The following CUL3 variants were observed in gnomAD, a reference collection of about 807,000 sequenced individuals.
The protein encoded by CUL3 is cullin-3.
In CUL3, 19 loss-of-function variants were observed where a neutral mutation model predicts 89.1. The ratio of observed to expected loss-of-function variants is 0.21; its 90% CI spans 0.15 to 0.31. The LOEUF is 0.31. CUL3 is among the 10% of genes least tolerant of loss of function. CUL3 has a pLI of 1.00. For synonymous variants in CUL3, 351 were observed against 308.4 expected (o/e 1.14, Z -1.45); for missense variants, 469 against 942.3 (o/e 0.50, Z 6.58).
chr2:224,541,634 C>T (rs1228146886), intron 2 of CUL3, among the ~76,000 whole-genome samples: 1 of 152,188 alleles, frequency 6.6e-6, no homozygotes, highest in Admixed American at 6.5e-5. Context: ...AGCAGCTCTA[C>T]TCACAACCAC....
rs901524666 is a variant in CUL3, at chr2:224,541,239, G to A, written c.265-5598C>T. On this transcript the variant is annotated intron_variant, in intron 2 of 15. Coordinates refer to ENST00000264414, the MANE Select transcript of CUL3 (RefSeq NM_003590.5). ...CATATTAAAAAAAAAAAAACTCTTA[G>A]AACTTAGCAATGACAGCAAATAATT... Among the ~76,000 whole-genome samples the A allele has an allele frequency of 2.7e-5, 4 of 149,170 alleles. No homozygotes were observed. In the East Asian group the frequency reaches 7.9e-4, roughly 29 times the overall value.
chr2:224,500,499 AG>A lies in CUL3; in HGVS notation c.1486-13del, dbSNP rs772966172. On this transcript the variant is annotated splice_polypyrimidine_tract_variant and intron_variant, in intron 10 of 15. Coordinates refer to ENST00000264414, the MANE Select transcript of CUL3 (RefSeq NM_003590.5). ...CCACCTAAAGATACCTATGTAAAAC[AG>A]AAAGAGATATTCCCCTCAAAATTAA... 2.5e-6 allele frequency: 4 copies of A among 1,612,930 alleles called. No homozygotes were observed. Among genetic ancestry groups the A allele is most frequent in the Non-Finnish European group, 3.4e-6 (4 of 1,179,132 alleles).
chr2:224,494,920 CA>C (rs1288785504), intron 13 of CUL3: 1 of 151,824 alleles, frequency 6.6e-6, no homozygotes, highest in Non-Finnish European at 1.5e-5. Context: ...CTCTGCTCTT[CA>C]AAAGACACCA....
At chr2:224,558,332 C>T (rs918137216) in intron 1 of CUL3, among the ~76,000 whole-genome samples, 3 of 152,172 alleles carry the variant, frequency 2.0e-5, no homozygotes, top group African/African-American at 7.2e-5. Context: ...AGCCTTCATG[C>T]AACCCCACAA....
intron 13 of CUL3, among the ~76,000 whole-genome samples, chr2:224,491,502 T>C (rs1323403056): frequency 6.6e-6 from 1 of 152,222 alleles, no homozygotes; most frequent in Admixed American, 6.5e-5. Flanking sequence ...ACAATCATAT[T>C]ATCTACAGAT....
At chr2:224,491,805 C>T (rs1487699659) in intron 13 of CUL3, among the ~76,000 whole-genome samples, 2 of 152,160 alleles carry the variant, frequency 1.3e-5, no homozygotes, top group Non-Finnish European at 2.9e-5. Context: ...ACTTTTTGTT[C>T]ATCTATAGAG....
At chr2:224,518,948 G>A in intron 3 of CUL3, among the ~76,000 whole-genome samples, 1 of 152,188 alleles carries the variant, frequency 6.6e-6, no homozygotes, top group East Asian at 1.9e-4. Context: ...TGGCAAAAAG[G>A]CAGAAAGACA....
chr2:224,473,109 A>C lies in CUL3; in HGVS notation c.*1136T>G, dbSNP rs773711465. 5.9e-5 allele frequency: 12 copies of C among 204,206 alleles called. No individual in the cohort carries two copies. Among genetic ancestry groups the C allele is most frequent in the Non-Finnish European group, 1.2e-4 (12 of 99,330 alleles). 12.6% of individuals were successfully genotyped at this position (204,206 alleles called of 1,614,324 possible). On this transcript the variant is annotated 3_prime_UTR_variant, in exon 16 of 16. Coordinates refer to ENST00000264414, the MANE Select transcript of CUL3 (RefSeq NM_003590.5). ...GATGACTCTTTGGAGGACAATAGCT[A>C]AATATCCAAGAATCATCAGGTTTGA...
At position 224,513,596 on chromosome 2, in the gene CUL3, A is replaced by G. The variant is rs150386914; in HGVS notation, c.582T>C (p.Gly194=). 522 of 1,603,168 alleles carry G rather than the reference A, an allele frequency of 3.3e-4. No homozygotes were observed. Among genetic ancestry groups the G allele is most frequent in the Non-Finnish European group, 4.4e-4 (517 of 1,177,394 alleles). ...CTTCATAGACTGATCTTCCTTCGAGACCTAAAATCATTAACATCTGGCAAG... is the reference window on the plus strand; with the variant it reads ...CTTCATAGACTGATCTTCCTTCGAGGCCTAAAATCATTAACATCTGGCAAG... The part of the protein sequence containing the change: ...RNACQMLMIL[G]LEGRSVYEED... Residue 194 remains glycine (G), a synonymous_variant, in exon 5 of 16, where the codon GGT becomes GGC. Transcript: ENST00000264414.
intron 1 of CUL3, among the ~76,000 whole-genome samples, chr2:224,570,891 G>A (rs1194832238): frequency 6.6e-6 from 1 of 152,142 alleles, no homozygotes. Flanking sequence ...TTTTTTCAAA[G>A]ACACAAGGTC....
Position 224,474,060 on chromosome 2 carries a change from G to A in CUL3, c.*185C>T. On this transcript the variant is annotated 3_prime_UTR_variant, in exon 16 of 16. Coordinates refer to ENST00000264414, the MANE Select transcript of CUL3 (RefSeq NM_003590.5). Reference sequence around the variant, plus strand: ...TCTCTACAGGGATAAACGTTGTAAAGCCTGAAGCTCAATCAACTGATGTTG... The same window carrying A: ...TCTCTACAGGGATAAACGTTGTAAAACCTGAAGCTCAATCAACTGATGTTG... The A allele has an allele frequency of 2.0e-6, 1 of 511,392 alleles. No homozygotes were observed. The highest frequency in any genetic ancestry group is 3.4e-6 in the Non-Finnish European group (1 of 297,592). 31.7% of individuals were successfully genotyped at this position (511,392 alleles called of 1,614,324 possible).
At chr2:224,544,693 T>C (rs1426939228) in intron 2 of CUL3, among the ~76,000 whole-genome samples, 1 of 150,956 alleles carries the variant, frequency 6.6e-6, no homozygotes, top group Admixed American at 6.6e-5. Flanking sequence ...GATTTCAAAA[T>C]TTTTCCACCT....
chr2:224,581,560 T>C (rs1574712153), intron 1 of CUL3, among the ~76,000 whole-genome samples: 1 of 151,128 alleles, frequency 6.6e-6, no homozygotes, highest in South Asian at 2.1e-4. Flanking sequence ...TGGAGTGCAG[T>C]GGCACGATCT....
chr2:224,545,157 T>C (rs983519695), intron 2 of CUL3, among the ~76,000 whole-genome samples: 12 of 152,166 alleles, frequency 7.9e-5, no homozygotes, highest in African/African-American at 2.9e-4. Context: ...GCCAAGATAA[T>C]TAATTTTAAG....
chr2:224,473,868 C>CTACAAAACACATT lies in CUL3; in HGVS notation c.*364_*376dup, dbSNP rs1232553517. ...ACAATGCGCAAAGTGCTAAGCAACACTACAAAACACATTTACATCAACACT... is the reference window on the plus strand; with the variant it reads ...ACAATGCGCAAAGTGCTAAGCAACACTACAAAACACATTTACAAAACACATTTACATCAACACT... On this transcript the variant is annotated 3_prime_UTR_variant, in exon 16 of 16. Coordinates refer to ENST00000264414, the MANE Select transcript of CUL3 (RefSeq NM_003590.5). 4.6e-6 allele frequency: 1 copy of CTACAAAACACATT among 217,518 alleles called. No individual in the cohort carries two copies. Among genetic ancestry groups the CTACAAAACACATT allele is most frequent in the Non-Finnish European group, 9.3e-6 (1 of 107,974 alleles). 13.5% of individuals were successfully genotyped at this position (217,518 alleles called of 1,614,324 possible).
chr2:224,470,490 AAATTT>A lies in CUL3; in HGVS notation c.*3750_*3754del, dbSNP rs1691087920. On this transcript the variant is annotated 3_prime_UTR_variant, in exon 16 of 16. Transcript: ENST00000264414. ...GCCAATCTCTGTATCATTACCTGTT[AAATTT>A]ATCTGCCATTCTTAACGTCTCTTCT... 1 of 227,048 alleles carries A rather than the reference AAATTT, an allele frequency of 4.4e-6. No individual in the cohort carries two copies. The highest frequency in any genetic ancestry group is 1.9e-4 in the South Asian group (1 of 5,252). 14.1% of individuals were successfully genotyped at this position (227,048 alleles called of 1,614,324 possible).
At chr2:224,501,885 C>A (rs758524375) in intron 10 of CUL3, among the ~76,000 whole-genome samples, 1 of 152,076 alleles carries the variant, frequency 6.6e-6, no homozygotes, top group Non-Finnish European at 1.5e-5. Flanking sequence ...TAAAAACTTA[C>A]TAGAGCAAAC....
At position 224,509,102 on chromosome 2, in the gene CUL3, G is replaced by C. The variant is rs985381503; in HGVS notation, c.884-2099C>G. 2.6e-5 allele frequency among the ~76,000 whole-genome samples: 4 copies of C among 152,156 alleles called. No individual in the cohort carries two copies. The South Asian group carries it at 8.3e-4, about 31-fold the overall frequency. ...GAGAATTTGGCTTCATAATGGTGAA[G>C]TTGGCTCTGCTATATTCTCAACAAG... On this transcript the variant is annotated intron_variant, in intron 6 of 15. Transcript: ENST00000264414.
intron 2 of CUL3, among the ~76,000 whole-genome samples, chr2:224,541,149 A>C (rs1184027633): frequency 6.6e-6 from 1 of 152,140 alleles, no homozygotes; most frequent in Admixed American, 6.5e-5. Context: ...TTCTGTAGAC[A>C]CCACTGAGAC....
Sources: gnomAD v4.1 joint callset for allele counts (sites outside exome capture counted in the v4.1 genomes callset) on GRCh38, gnomAD v4.1.1 for gene constraint, MANE v1.5 for transcripts, NCBI Gene and HGNC (gene_info 2026-07-23, HGNC 2026-07-21) for gene names.